Variants in ELMO1 observed in about 807,000 individuals in gnomAD.
ELMO1 encodes the protein engulfment and cell motility protein 1.
ELMO1 carries 26 observed loss-of-function variants against 98.9 expected under a neutral mutation model. That is an observed-to-expected ratio of 0.26 (90% CI 0.19 to 0.36). ELMO1 has a LOEUF of 0.36. Ranked by LOEUF, ELMO1 falls within the 10% of genes least tolerant of loss-of-function variation. ELMO1 has a pLI of 1.00. For missense variants in ELMO1, 627 were observed against 935.2 expected (o/e 0.67, Z 4.30); for synonymous variants, 346 against 346.0 (o/e 1.00, Z 0.00).
chr7:36,868,990 C>A (rs768969388), intron 20 of ELMO1, among the ~76,000 whole-genome samples: 1 of 152,152 alleles, frequency 6.6e-6, no homozygotes. Context: ...GTAATCCCGG[C>A]TAGTGTTGAA....
chr7:37,074,907 A>T (rs1212279743), intron 15 of ELMO1, among the ~76,000 whole-genome samples: 1 of 152,192 alleles, frequency 6.6e-6, no homozygotes, highest in East Asian at 1.9e-4. Context: ...TCAAGGCCCA[A>T]AGCAGTAAGG....
intron 1 of ELMO1, among the ~76,000 whole-genome samples, chr7:37,376,177 G>C (rs909441845): frequency 8.5e-5 from 13 of 152,180 alleles, no homozygotes; most frequent in African/African-American, 2.9e-4. Context: ...TTATACCTTT[G>C]ATCACAGACC....
chr7:37,351,785 A>G (rs1335608486), intron 1 of ELMO1, among the ~76,000 whole-genome samples: 3 of 152,238 alleles, frequency 2.0e-5, no homozygotes, highest in African/African-American at 7.2e-5. Context: ...AAGGCAAAAC[A>G]GACTGAAGTT....
chr7:37,104,552 T>C (rs1004967050), intron 14 of ELMO1, among the ~76,000 whole-genome samples: 73 of 152,172 alleles, frequency 4.8e-4, no homozygotes, highest in African/African-American at 1.7e-3. Flanking sequence ...CAGCATGCCC[T>C]TAAGTAAAAA....
intron 15 of ELMO1, among the ~76,000 whole-genome samples, chr7:37,089,432 T>C (rs1783954278): frequency 6.6e-6 from 1 of 152,182 alleles, no homozygotes; most frequent in Non-Finnish European, 1.5e-5. Context: ...TTGGCAAAAC[T>C]GTTTCAAGGC....
chr7:37,375,379 C>T (rs1802291906), intron 1 of ELMO1: 2 of 575,864 alleles, frequency 3.5e-6, no homozygotes, highest in African/African-American at 1.9e-5. Flanking sequence ...CTTACCTATG[C>T]AGGTCTTAGC....
intron 15 of ELMO1, among the ~76,000 whole-genome samples, chr7:37,051,965 C>A (rs1796132528): frequency 6.6e-6 from 1 of 152,204 alleles, no homozygotes. Flanking sequence ...CTCTGTAGGG[C>A]AGAGGTCATT....
intron 13 of ELMO1, among the ~76,000 whole-genome samples, chr7:37,164,970 G>A (rs1789544420): frequency 1.3e-5 from 2 of 151,966 alleles, no homozygotes; most frequent in South Asian, 2.1e-4. Flanking sequence ...CTACCCATGA[G>A]CATGGAATGT....
chr7:37,259,839 A>C (rs1335683940), intron 5 of ELMO1, among the ~76,000 whole-genome samples: 1 of 152,220 alleles, frequency 6.6e-6, no homozygotes, highest in Admixed American at 6.5e-5. Flanking sequence ...TTAGCCACCC[A>C]AATGATCTTT....
chr7:37,322,432 A>G (rs1799568186), intron 2 of ELMO1, among the ~76,000 whole-genome samples: 1 of 152,046 alleles, frequency 6.6e-6, no homozygotes, highest in East Asian at 1.9e-4. Flanking sequence ...CCTGGCCAAC[A>G]TGGTGAAACC....
At chr7:37,096,461 T>C (rs1048999403) in intron 15 of ELMO1, among the ~76,000 whole-genome samples, 158 bp downstream of exon 15, 2 of 152,200 alleles carry the variant, frequency 1.3e-5, no homozygotes, top group African/African-American at 2.4e-5. Context: ...CAAAAGTATG[T>C]ATGCTGTAAA....
chr7:37,292,915 G>A (rs2130968053), intron 4 of ELMO1, among the ~76,000 whole-genome samples: 1 of 60,684 alleles, frequency 1.6e-5, no homozygotes, highest in Non-Finnish European at 4.0e-5. Flanking sequence ...CGGGAGGGAG[G>A]TGGCGGGGTC....
At position 37,257,434 on chromosome 7, in the gene ELMO1, C is replaced by CA. The variant is rs777544015; in HGVS notation, c.413+1746dup. Among the ~76,000 whole-genome samples, 4 of 150,722 alleles carry CA rather than the reference C, an allele frequency of 2.7e-5. No homozygotes were observed. The South Asian group carries it at 6.3e-4, about 24-fold the overall frequency. On this transcript the variant is annotated intron_variant, in intron 6 of 21. Coordinates refer to ENST00000310758, the MANE Select transcript of ELMO1 (RefSeq NM_014800.11). ...TGAAACCCCGTCTCTACTAAAAATACAAAAATTAGGCCAGGCACGGTGGCT... is the reference window on the plus strand; with the variant it reads ...TGAAACCCCGTCTCTACTAAAAATACAAAAAATTAGGCCAGGCACGGTGGCT...
At chr7:37,003,322 A>G (rs1380125562) in intron 16 of ELMO1, among the ~76,000 whole-genome samples, 1 of 152,188 alleles carries the variant, frequency 6.6e-6, no homozygotes, top group Non-Finnish European at 1.5e-5. Flanking sequence ...CAGGAGTTTG[A>G]GATGAGCATG....
At chr7:37,179,552 C>T (rs888483117) in intron 13 of ELMO1, among the ~76,000 whole-genome samples, 4 of 152,160 alleles carry the variant, frequency 2.6e-5, no homozygotes, top group African/African-American at 9.7e-5. Context: ...GCTGGGATTA[C>T]AGGCGTGAGC....
chr7:37,161,905 A>AATATATATATATATATATATATAT (rs6150082), intron 13 of ELMO1, among the ~76,000 whole-genome samples: 671 of 42,306 alleles, frequency 0.016, 98 homozygotes, highest in Non-Finnish European at 0.021. Flanking sequence ...CAGGTAATCA[A>AATATATATATATATATATATATAT]ATATATATAT....
intron 16 of ELMO1, among the ~76,000 whole-genome samples, chr7:36,936,329 C>T (rs764582103): frequency 3.9e-5 from 6 of 152,190 alleles, no homozygotes; most frequent in Non-Finnish European, 8.8e-5. Context: ...ATAAAGCTGC[C>T]ACACAGAGGA....
intron 10 of ELMO1, among the ~76,000 whole-genome samples, chr7:37,221,387 C>G (rs770725041): frequency 6.6e-6 from 1 of 152,302 alleles, no homozygotes; most frequent in East Asian, 1.9e-4. Context: ...TTCTTCTAAA[C>G]GAACTCACTG....
intron 16 of ELMO1, among the ~76,000 whole-genome samples, chr7:36,938,628 T>C (rs529223107): frequency 6.6e-6 from 1 of 152,256 alleles, no homozygotes; most frequent in Non-Finnish European, 1.5e-5. Context: ...ATATTATGAT[T>C]AACCATAACC....
Sources: gnomAD v4.1 joint callset for allele counts (sites outside exome capture counted in the v4.1 genomes callset) on GRCh38, gnomAD v4.1.1 for gene constraint, MANE v1.5 for transcripts, NCBI Gene and HGNC (gene_info 2026-07-23, HGNC 2026-07-21) for gene names.